FAM120C: variants seen among roughly 807,000 people sequenced by gnomAD.
FAM120C encodes the protein family with sequence similarity 120 member C, also known as constitutive coactivator of PPAR-gamma-like protein 2.
In FAM120C, 14 loss-of-function variants were observed where a neutral mutation model predicts 71.2. The observed-to-expected ratio is 0.20, with a 90% CI of 0.13 to 0.31. The LOEUF is 0.31. Among genes scored for constraint, FAM120C ranks in the 10% least tolerant of loss-of-function variants. The probability of loss-of-function intolerance (pLI) is 1.00; values close to 1 mark genes in which losing one functional copy is unlikely to be tolerated. For missense variants in FAM120C, 500 were observed against 879.0 expected (o/e 0.57, Z 5.45); for synonymous variants, 354 against 353.2 (o/e 1.00, Z -0.03).
intron 1 of FAM120C, among the ~76,000 whole-genome samples, chrX:54,163,849 T>C (rs1280412120): frequency 2.7e-5 from 3 of 109,709 alleles, no homozygotes; most frequent in Non-Finnish European, 3.8e-5. Context: ...TGTTAAGTCA[T>C]TCGTTTCATC....
intron 10 of FAM120C, among the ~76,000 whole-genome samples, chrX:54,108,194 C>T (rs367615251): frequency 7.4e-5 from 8 of 108,393 alleles, no homozygotes; most frequent in African/African-American, 2.3e-4. Flanking sequence ...ATAATCATGG[C>T]GATATCTATC....
chrX:54,071,629 AACCTTC>A lies in FAM120C; in HGVS notation c.*1398_*1403del, dbSNP rs1299491431. On this transcript the variant is annotated 3_prime_UTR_variant, in exon 16 of 16. Coordinates refer to ENST00000375180, the MANE Select transcript of FAM120C (RefSeq NM_017848.6). ...CCTCCCATCCCCCCTTTTCTCTCCA[AACCTTC>A]ATAAGGAAATGCCCAACTCTTCCCA... 9.0e-6 allele frequency: 1 copy of A among 111,415 alleles called. No individual in the cohort carries two copies. The highest frequency in any genetic ancestry group is 3.3e-5 in the African/African-American group (1 of 30,647). The allele number at this position is 111,415 out of a possible 1,213,427, so 9.2% of individuals were successfully genotyped here. A position where few individuals can be genotyped will look rare whatever the true frequency, so the allele number is the denominator to read the frequency against.
chrX:54,179,945 T>C (rs1603366338), intron 1 of FAM120C, among the ~76,000 whole-genome samples: 1 of 111,870 alleles, frequency 8.9e-6, no homozygotes, highest in East Asian at 2.8e-4. Context: ...CATGGCAAAG[T>C]TGAGATAATT....
At chrX:54,118,130 G>A (rs1346634638) in intron 9 of FAM120C, among the ~76,000 whole-genome samples, 1 of 109,378 alleles carries the variant, frequency 9.1e-6, no homozygotes, top group Non-Finnish European at 1.9e-5. Context: ...GGCTGAGGCA[G>A]GAGAATCGCT....
At chrX:54,152,603 A>AT (rs1421079476) in intron 3 of FAM120C, among the ~76,000 whole-genome samples, 1 of 112,845 alleles carries the variant, frequency 8.9e-6, no homozygotes, top group African/African-American at 3.2e-5. Flanking sequence ...TTCATAAACT[A>AT]TAAGTATGAC....
At chrX:54,118,113 C>T (rs1274046547) in intron 9 of FAM120C, among the ~76,000 whole-genome samples, 13 of 109,338 alleles carry the variant, frequency 1.2e-4, no homozygotes, top group Non-Finnish European at 1.7e-4. Flanking sequence ...ATCCCAGCTA[C>T]TCGAGAGGCT....
intron 7 of FAM120C, 62 bp downstream of exon 7, chrX:54,134,769 C>A: frequency 9.1e-7 from 1 of 1,102,447 alleles, no homozygotes; most frequent in East Asian, 3.0e-5. Flanking sequence ...ACCCATCTAA[C>A]AAGCAAAATA....
intron 8 of FAM120C, among the ~76,000 whole-genome samples, 163 bp from the exon 9 acceptor site, chrX:54,133,026 T>C (rs2067075895): frequency 5.3e-5 from 6 of 112,802 alleles, no homozygotes; most frequent in Non-Finnish European, 1.1e-4. Flanking sequence ...GCTTAGCTGA[T>C]TGCAGCCTAC....
chrX:54,157,608 T>A (rs1557133889), intron 3 of FAM120C, 81 bp downstream of exon 3: 1 of 678,343 alleles, frequency 1.5e-6, no homozygotes, highest in African/African-American at 2.2e-5. Context: ...TTAAATCTAA[T>A]GTAAGATAAT....
intron 10 of FAM120C, among the ~76,000 whole-genome samples, chrX:54,093,297 G>A (rs1557122856): frequency 8.9e-6 from 1 of 111,748 alleles, no homozygotes; most frequent in East Asian, 2.8e-4. Flanking sequence ...GCTCCTAAAG[G>A]AGTCAAGTGT....
chrX:54,180,907 G>A (rs781960889), intron 1 of FAM120C, among the ~76,000 whole-genome samples: 1 of 111,062 alleles, frequency 9.0e-6, no homozygotes, highest in Admixed American at 9.6e-5. Flanking sequence ...ATAACAACGA[G>A]GTTAAAAAGT....
intron 8 of FAM120C, among the ~76,000 whole-genome samples, chrX:54,133,123 G>T (rs782354236): frequency 9.0e-6 from 1 of 111,616 alleles, no homozygotes; most frequent in East Asian, 2.8e-4. Flanking sequence ...AGGCTGAGGC[G>T]GGTGGATCAC....
intron 10 of FAM120C, among the ~76,000 whole-genome samples, chrX:54,113,471 C>T (rs1370878701): frequency 1.8e-5 from 2 of 108,172 alleles, no homozygotes; most frequent in African/African-American, 6.7e-5. Context: ...AAAAAAACAC[C>T]TCAAAAGCAA....
chrX:54,112,627 G>C (rs1478354011), intron 10 of FAM120C, among the ~76,000 whole-genome samples: 1 of 110,655 alleles, frequency 9.0e-6, no homozygotes, highest in African/African-American at 3.3e-5. Flanking sequence ...GGATCACAAG[G>C]TCAGGAGACT....
intron 1 of FAM120C, among the ~76,000 whole-genome samples, chrX:54,176,251 G>A (rs1442120347): frequency 1.8e-5 from 2 of 110,510 alleles, no homozygotes; most frequent in African/African-American, 3.3e-5. Flanking sequence ...TGGCCAACAC[G>A]GTGAAACCCC....
In FAM120C at chrX:54,085,875, G is replaced by A. The variant is rs1557121918; in HGVS notation, c.2679C>T (p.Ile893=). The part of the protein sequence containing the change: ...ATKVEKMRQS[I]LEGVNMNHPP... The stretch of plus-strand genomic sequence containing the variant: ...GATGATTCATGTTGACTCCTTCAAG[G>A]ATGCTCTGTCTCATCTTTTCCACTT... The change falls in exon 13 of 16, where the codon ATC becomes ATT. Residue 893 remains isoleucine, a synonymous_variant. Transcript: ENST00000375180. The A allele has an allele frequency of 8.3e-7, 1 of 1,211,652 alleles. No homozygotes were observed. The highest frequency in any genetic ancestry group is 1.8e-5 in the South Asian group (1 of 56,993).
intron 3 of FAM120C, among the ~76,000 whole-genome samples, chrX:54,152,300 T>TG (rs1557133118): frequency 1.8e-5 from 2 of 111,966 alleles, no homozygotes; most frequent in African/African-American, 6.5e-5. Flanking sequence ...AGTGCAGTGG[T>TG]GCAGTAGGGA....
chrX:54,132,439 A>T (rs186436760), intron 9 of FAM120C, among the ~76,000 whole-genome samples: 419 of 111,554 alleles, frequency 3.8e-3, no homozygotes, highest in African/African-American at 0.013. Flanking sequence ...TGGCCTCCCA[A>T]AGTGCTGGGA....
At chrX:54,141,026 G>A (rs781819005) in intron 4 of FAM120C, among the ~76,000 whole-genome samples, 1 of 110,513 alleles carries the variant, frequency 9.0e-6, no homozygotes, top group Non-Finnish European at 1.9e-5. Context: ...GATGCAAGAA[G>A]CTCTAAACAG....
Sources: allele counts gnomAD v4.1 joint callset (sites outside exome capture counted in the v4.1 genomes callset), GRCh38; gene constraint gnomAD v4.1.1; transcripts MANE v1.5; gene names NCBI Gene and HGNC (gene_info 2026-07-23, HGNC 2026-07-21).